ACBD6: variants seen among roughly 807,000 people sequenced by gnomAD.
The protein encoded by ACBD6 is acyl-CoA-binding domain-containing protein 6.
A neutral mutation model predicts 37.2 loss-of-function variants in ACBD6; 28 were observed. The ratio of observed to expected loss-of-function variants is 0.75; its 90% CI spans 0.56 to 1.03. ACBD6 has a LOEUF of 1.03. Ranked by LOEUF, ACBD6 falls within the 50% of genes least tolerant of loss-of-function variation. The pLI is 0.00. For synonymous variants in ACBD6, 113 were observed against 126.8 expected (o/e 0.89, Z 0.73); for missense variants, 340 against 337.4 (o/e 1.01, Z -0.06).
At position 180,288,491 on chromosome 1, in the gene ACBD6, C is replaced by G; in HGVS notation, c.721G>C (p.Val241Leu). The G allele has an allele frequency of 6.2e-7, 1 of 1,613,568 alleles. No individual in the cohort carries two copies. Among genetic ancestry groups the G allele is most frequent in the Non-Finnish European group, 8.5e-7 (1 of 1,179,868 alleles). Residue 241 changes from valine (V) to leucine (L), a missense_variant, in exon 8 of 8, where the codon GTA (valine) becomes CTA (leucine). Transcript: ENST00000367595. ...GCACCAGACTGGAGCAGCAGCTCTACAATATCCAGAAACTCACAGGCAGAG... is the reference window on the plus strand; with the variant it reads ...GCACCAGACTGGAGCAGCAGCTCTAGAATATCCAGAAACTCACAGGCAGAG... ...YASACEFLDIVELLLQSGADP... is the reference protein window; with the variant it reads ...YASACEFLDILELLLQSGADP...
At chr1:180,486,595 TA>T (rs1227487219) in intron 3 of ACBD6, among the ~76,000 whole-genome samples, 1 of 152,192 alleles carries the variant, frequency 6.6e-6, no homozygotes, top group African/African-American at 2.4e-5. Context: ...TGCTAAATAA[TA>T]AATGAAGACA....
At chr1:180,315,485 G>C (rs1191944040) in intron 6 of ACBD6, among the ~76,000 whole-genome samples, 1 of 152,190 alleles carries the variant, frequency 6.6e-6, no homozygotes, top group East Asian at 1.9e-4. Context: ...TAAGCACTTT[G>C]TAATATGCAT....
At chr1:180,367,426 G>A (rs745686629) in intron 6 of ACBD6, among the ~76,000 whole-genome samples, 35 of 152,062 alleles carry the variant, frequency 2.3e-4, no homozygotes, top group Admixed American at 7.2e-4. Flanking sequence ...ACATGTGAAG[G>A]TTTGTTACAC....
chr1:180,449,259 T>C (rs1238887463), intron 3 of ACBD6, among the ~76,000 whole-genome samples: 1 of 152,214 alleles, frequency 6.6e-6, no homozygotes, highest in Non-Finnish European at 1.5e-5. Flanking sequence ...TCCGAAATTG[T>C]GAATCCCAAC....
intron 7 of ACBD6, among the ~76,000 whole-genome samples, chr1:180,306,084 C>A (rs1461108959): frequency 1.5e-5 from 2 of 129,560 alleles, no homozygotes; most frequent in African/African-American, 3.1e-5. Context: ...AACATCACAC[C>A]CCGGGGACTG....
chr1:180,359,321 C>T (rs1229761889), intron 6 of ACBD6, among the ~76,000 whole-genome samples: 2 of 151,936 alleles, frequency 1.3e-5, no homozygotes, highest in African/African-American at 4.8e-5. Flanking sequence ...ATAAATAAAA[C>T]AAAAATATTT....
chr1:180,380,087 T>C (rs899292779), intron 6 of ACBD6, among the ~76,000 whole-genome samples: 6 of 151,890 alleles, frequency 4.0e-5, no homozygotes, highest in African/African-American at 1.5e-4. Context: ...ATGGTGAAAC[T>C]CCATTTCTAC....
At position 180,410,663 on chromosome 1, in the gene ACBD6, G is replaced by GA. The variant is rs35827351; in HGVS notation, c.573+2702dup. On this transcript the variant is annotated intron_variant, in intron 5 of 7. Coordinates refer to ENST00000367595, the MANE Select transcript of ACBD6 (RefSeq NM_032360.4). ...CCTACTGTTGATACCCACTGCTCAG[G>GA]AAAAAAAAAAACATTCCTTTCAAAA... Among the ~76,000 whole-genome samples, 347 of 145,714 alleles carry GA rather than the reference G, an allele frequency of 2.4e-3. 1 individual carries two copies. Among genetic ancestry groups the GA allele is most frequent in the African/African-American group, 7.2e-3 (289 of 40,144 alleles).
chr1:180,420,263 T>G (rs1648300145), intron 4 of ACBD6, among the ~76,000 whole-genome samples: 1 of 152,228 alleles, frequency 6.6e-6, no homozygotes, highest in Non-Finnish European at 1.5e-5. Flanking sequence ...TTTGCCATAC[T>G]CACAATCTTT....
chr1:180,273,794 T>C (rs1210726043), intron 11 of ACBD6: 4 of 252,214 alleles, frequency 1.6e-5, no homozygotes, highest in African/African-American at 9.0e-5. Flanking sequence ...TTTCTCAGCT[T>C]GAAAGCTTTC....
intron 7 of ACBD6, among the ~76,000 whole-genome samples, chr1:180,301,460 C>T (rs1370283790): frequency 1.3e-5 from 2 of 152,084 alleles, no homozygotes; most frequent in Admixed American, 6.6e-5. Flanking sequence ...TTAAGAAAAT[C>T]ATAAGATAAA....
At chr1:180,304,065 G>A (rs1381881231) in intron 7 of ACBD6, among the ~76,000 whole-genome samples, 4 of 150,832 alleles carry the variant, frequency 2.7e-5, no homozygotes, top group Non-Finnish European at 5.9e-5. Context: ...AACGCTTCAT[G>A]CTAAAAACTC....
intron 7 of ACBD6, among the ~76,000 whole-genome samples, chr1:180,289,622 T>C (rs560764902): frequency 3.3e-5 from 5 of 152,216 alleles, no homozygotes; most frequent in Non-Finnish European, 5.9e-5. Flanking sequence ...CTCCAGGAGA[T>C]ATTTGCAAGC....
chr1:180,461,240 T>C (rs1410623632), intron 3 of ACBD6, among the ~76,000 whole-genome samples: 2 of 151,888 alleles, frequency 1.3e-5, no homozygotes, highest in African/African-American at 4.8e-5. Context: ...CTCTGAGAAA[T>C]ATGGGATTAT....
At chr1:180,453,349 T>C (rs1649789513) in intron 3 of ACBD6, among the ~76,000 whole-genome samples, 1 of 151,258 alleles carries the variant, frequency 6.6e-6, no homozygotes, top group Non-Finnish European at 1.5e-5. Flanking sequence ...AGAAAAGGCT[T>C]TCGATGCTAA....
At chr1:180,353,640 T>G (rs1195514685) in intron 6 of ACBD6, among the ~76,000 whole-genome samples, 1 of 151,712 alleles carries the variant, frequency 6.6e-6, no homozygotes, top group Non-Finnish European at 1.5e-5. Context: ...AATTAAAATT[T>G]TATTTAATTA....
chr1:180,330,866 C>A (rs149402721), intron 6 of ACBD6, among the ~76,000 whole-genome samples: 20 of 152,204 alleles, frequency 1.3e-4, no homozygotes, highest in Non-Finnish European at 2.8e-4. Context: ...TCTATCCACA[C>A]GGTGGTCTTC....
At chr1:180,341,104 T>C (rs1651970481) in intron 6 of ACBD6, among the ~76,000 whole-genome samples, 1 of 152,160 alleles carries the variant, frequency 6.6e-6, no homozygotes, top group South Asian at 2.1e-4. Flanking sequence ...TTCATTTAAA[T>C]ATCTGCTTTC....
At chr1:180,392,704 C>T (rs1160363732) in intron 6 of ACBD6, among the ~76,000 whole-genome samples, 1 of 151,466 alleles carries the variant, frequency 6.6e-6, no homozygotes, top group East Asian at 1.9e-4. Flanking sequence ...CCCCTCCCCA[C>T]ACAGATACAT....
Sources: allele counts gnomAD v4.1 joint callset (sites outside exome capture counted in the v4.1 genomes callset), GRCh38; gene constraint gnomAD v4.1.1; transcripts MANE v1.5; gene names NCBI Gene and HGNC (gene_info 2026-07-23, HGNC 2026-07-21).